COL4A2: variants seen among roughly 807,000 people sequenced by gnomAD.
COL4A2 encodes collagen type IV alpha 2 chain.
In COL4A2, 99 loss-of-function variants were observed where a neutral mutation model predicts 200.2. The observed-to-expected ratio is 0.49, with a 90% CI of 0.42 to 0.58. The LOEUF (loss-of-function observed/expected upper bound fraction) is 0.58, where lower values mean the gene tolerates loss of function less well. Ranked by LOEUF, COL4A2 falls within the 20% of genes least tolerant of loss-of-function variation. The pLI is 0.00. For synonymous variants in COL4A2, 897 were observed against 900.6 expected (o/e 1.00, Z 0.07); for missense variants, 1,950 against 2,314.1 (o/e 0.84, Z 3.23).
chr13:110,387,500 G>GC (rs1449843379), intron 4 of COL4A2, among the ~76,000 whole-genome samples: 3 of 152,170 alleles, frequency 2.0e-5, no homozygotes, highest in African/African-American at 7.2e-5. Flanking sequence ...TTCCAGGGAA[G>GC]CCAAGTGTCG....
chr13:110,388,227 G>A (rs1459803039), intron 4 of COL4A2, among the ~76,000 whole-genome samples: 1 of 152,168 alleles, frequency 6.6e-6, no homozygotes, highest in Non-Finnish European at 1.5e-5. Flanking sequence ...CAGGACGGCG[G>A]CAAGCGAGCC....
At chr13:110,505,596 A>G (rs1226203877) in intron 45 of COL4A2, among the ~76,000 whole-genome samples, 1 of 152,108 alleles carries the variant, frequency 6.6e-6, no homozygotes, top group Non-Finnish European at 1.5e-5. Context: ...GGAGGGGACA[A>G]TGGGAGAAAG....
rs368878594 is a variant in COL4A2 at position 110,408,825 on chromosome 13, GCA to G, written c.181-15900_181-15899del. On this transcript the variant is annotated intron_variant, in intron 4 of 47. Transcript: ENST00000360467. ...CACACATATATATACACACACACAT[GCA>G]CACACACATACACGCACACATATAC... Among the ~76,000 whole-genome samples, 24 of 125,624 alleles carry G rather than the reference GCA, an allele frequency of 1.9e-4. No homozygotes were observed. The East Asian group carries it at 6.5e-3, about 34-fold the overall frequency. The allele number at this position is 125,624 out of a possible 152,430, so 82.4% of individuals were successfully genotyped here. A position where few individuals can be genotyped will look rare whatever the true frequency, so the allele number is the denominator to read the frequency against.
intron 20 of COL4A2, among the ~76,000 whole-genome samples, chr13:110,453,372 A>G (rs1289118642): frequency 6.6e-6 from 1 of 152,070 alleles, no homozygotes; most frequent in Non-Finnish European, 1.5e-5. Flanking sequence ...GCGGTGGTGC[A>G]TGCCTGTAAT....
intron 4 of COL4A2, among the ~76,000 whole-genome samples, chr13:110,366,365 C>A (rs1877750995): frequency 6.6e-6 from 1 of 152,192 alleles, no homozygotes; most frequent in Admixed American, 6.5e-5. Context: ...AGTCAGTCTT[C>A]CCAGTTGGGT....
Position 110,467,111 on chromosome 13 carries a change from G to C in COL4A2, c.2095+15G>C. Reference sequence around the variant, plus strand: ...AGGCCCCACAGGTAATGCACGGAGGGAACCTGGAGTGCACCCAGCCTTCCT... The same window carrying C: ...AGGCCCCACAGGTAATGCACGGAGGCAACCTGGAGTGCACCCAGCCTTCCT... On this transcript the variant is annotated intron_variant, in intron 27 of 47. Transcript: ENST00000360467. The C allele has an allele frequency of 6.2e-7, 1 of 1,613,878 alleles. No individual in the cohort carries two copies. Among genetic ancestry groups the C allele is most frequent in the Non-Finnish European group, 8.5e-7 (1 of 1,179,878 alleles).
intron 4 of COL4A2, among the ~76,000 whole-genome samples, chr13:110,423,538 G>A (rs897316956): frequency 2.6e-5 from 4 of 152,130 alleles, no homozygotes; most frequent in African/African-American, 9.6e-5. Flanking sequence ...AAGTTCCAGG[G>A]TACTAATAAA....
intron 3 of COL4A2, among the ~76,000 whole-genome samples, chr13:110,338,348 AAG>A (rs929474416): frequency 1.3e-5 from 2 of 151,166 alleles, no homozygotes; most frequent in Admixed American, 6.6e-5. Flanking sequence ...GAGAGAGAGA[AAG>A]AGAGAGAGAG....
chr13:110,325,115 A>G (rs1482746591), intron 3 of COL4A2, among the ~76,000 whole-genome samples: 1 of 152,218 alleles, frequency 6.6e-6, no homozygotes, highest in Non-Finnish European at 1.5e-5. Flanking sequence ...ACAAAGATGG[A>G]CTTTCTTACA....
chr13:110,333,484 C>G (rs12859020), intron 3 of COL4A2, among the ~76,000 whole-genome samples: 29,088 of 152,156 alleles, frequency 0.19, 2,927 homozygotes, highest in Middle Eastern at 0.24. Flanking sequence ...TCCGTGAGCA[C>G]TGTCTTTCCT....
At chr13:110,310,143 C>G (rs775451639) in intron 3 of COL4A2, among the ~76,000 whole-genome samples, 1 of 152,256 alleles carries the variant, frequency 6.6e-6, no homozygotes, top group East Asian at 1.9e-4. Context: ...TATGCCTCCC[C>G]AAAACCTCAT....
At chr13:110,497,962 T>C (rs1271312278) in intron 40 of COL4A2, among the ~76,000 whole-genome samples, 9 of 129,186 alleles carry the variant, frequency 7.0e-5, no homozygotes, top group African/African-American at 2.1e-4. Flanking sequence ...CAGTCAGGGG[T>C]GAGGATCTGG....
In COL4A2 at chr13:110,341,494, C is replaced by T. The variant is rs180788167; in HGVS notation, c.100-15978C>T. 2.5e-3 allele frequency among the ~76,000 whole-genome samples: 374 copies of T among 152,314 alleles called. 1 individual carries two copies. Among genetic ancestry groups the T allele is most frequent in the South Asian group, 5.6e-3 (27 of 4,822 alleles). ...CTTCTCCCAAGGACAAGGGGCCTGC[C>T]TATTGGCTTTTAGATCTTAGCACTT... On this transcript the variant is annotated intron_variant, in intron 3 of 47. Coordinates refer to ENST00000360467, the MANE Select transcript of COL4A2 (RefSeq NM_001846.4).
chr13:110,448,433 C>T (rs34905765), intron 18 of COL4A2, among the ~76,000 whole-genome samples: 22,247 of 152,086 alleles, frequency 0.15, 2,119 homozygotes, highest in African/African-American at 0.27. Context: ...CCTTTTCTAC[C>T]GGACAACATT....
At position 110,462,657 on chromosome 13, in the gene COL4A2, G is replaced by A. The variant is rs534913617; in HGVS notation, c.1776+273G>A. On this transcript the variant is annotated intron_variant, in intron 24 of 47. Coordinates refer to ENST00000360467, the MANE Select transcript of COL4A2 (RefSeq NM_001846.4). The stretch of plus-strand genomic sequence containing the variant: ...TGTAACAGACTAAGAACCCTCCCCC[G>A]CCAAAAAAAGTAGACTATTCTAAAA... Among the ~76,000 whole-genome samples, 22 of 152,014 alleles carry A rather than the reference G, an allele frequency of 1.4e-4. No individual in the cohort carries two copies. The South Asian group carries it at 2.1e-3, about 14-fold the overall frequency.
chr13:110,391,945 C>T (rs1325053316), intron 4 of COL4A2, among the ~76,000 whole-genome samples: 3 of 152,192 alleles, frequency 2.0e-5, no homozygotes, highest in African/African-American at 7.2e-5. Context: ...TCTGCCCCCA[C>T]GTGTCTTGCA....
chr13:110,510,958 A>G (rs188398738), intron 47 of COL4A2, among the ~76,000 whole-genome samples: 190 of 152,214 alleles, frequency 1.2e-3, no homozygotes, highest in African/African-American at 4.5e-3. Flanking sequence ...TGAGCAGAAC[A>G]CTTTTTAAAG....
rs1884140951 is a variant in COL4A2 at position 110,512,891 on chromosome 13, T to A, written c.*700T>A. ...CTACTTGAAGGTACACCCCATAGGG[T>A]CGGAGGTGCTGTCCCCACTGCCCCA... On this transcript the variant is annotated 3_prime_UTR_variant, in exon 48 of 48. Transcript: ENST00000360467. 6.6e-6 allele frequency: 1 copy of A among 152,156 alleles called. No individual in the cohort carries two copies. Among genetic ancestry groups the A allele is most frequent in the East Asian group, 1.9e-4 (1 of 5,176 alleles). The allele number at this position is 152,156 out of a possible 1,614,324, so 9.4% of individuals were successfully genotyped here. A position where few individuals can be genotyped will look rare whatever the true frequency, so the allele number is the denominator to read the frequency against.
At chr13:110,335,106 C>T (rs2139365586) in intron 3 of COL4A2, among the ~76,000 whole-genome samples, 1 of 152,282 alleles carries the variant, frequency 6.6e-6, no homozygotes, top group East Asian at 1.9e-4. Context: ...CCCTGGGCTT[C>T]TCCTTGGCCC....
Sources: allele counts gnomAD v4.1 joint callset (sites outside exome capture counted in the v4.1 genomes callset), GRCh38; gene constraint gnomAD v4.1.1; transcripts MANE v1.5; gene names NCBI Gene and HGNC (gene_info 2026-07-23, HGNC 2026-07-21).